Variants in CEP85L observed in about 807,000 individuals in gnomAD.
CEP85L encodes centrosomal protein 85L.
Under a neutral mutation model 100.3 loss-of-function variants are expected in CEP85L, and 60 were observed. The ratio of observed to expected loss-of-function variants is 0.60; its 90% CI spans 0.49 to 0.74. The LOEUF (loss-of-function observed/expected upper bound fraction) is 0.74, where lower values mean the gene tolerates loss of function less well. Ranked by LOEUF, CEP85L falls within the 30% of genes least tolerant of loss-of-function variation. The pLI is 0.00. For synonymous variants in CEP85L, 319 were observed against 322.7 expected (o/e 0.99, Z 0.12); for missense variants, 973 against 936.2 (o/e 1.04, Z -0.51).
chr6:118,513,281 GA>G, intron 4 of CEP85L, among the ~76,000 whole-genome samples: 1 of 151,760 alleles, frequency 6.6e-6, no homozygotes, highest in Non-Finnish European at 1.5e-5. Context: ...GTAGGGGACA[GA>G]AAAAAAATAT....
At chr6:118,508,715 T>C (rs1444748906) in intron 5 of CEP85L, among the ~76,000 whole-genome samples, 5 of 152,110 alleles carry the variant, frequency 3.3e-5, no homozygotes, top group Admixed American at 6.5e-5. Flanking sequence ...TTTTACTGAC[T>C]TATTTACTCT....
At chr6:118,700,724 C>T (rs1373015961) in intron 1 of CEP85L, among the ~76,000 whole-genome samples, 1 of 152,210 alleles carries the variant, frequency 6.6e-6, no homozygotes, top group Non-Finnish European at 1.5e-5. Flanking sequence ...CCTTGCGAAA[C>T]TGTTCCCTAG....
intron 2 of CEP85L, among the ~76,000 whole-genome samples, chr6:118,599,945 C>T (rs1781641794): frequency 6.6e-6 from 1 of 151,980 alleles, no homozygotes. Context: ...GAAAACATTA[C>T]AATTAAATGT....
chr6:118,661,352 T>C (rs1775967689), intron 1 of CEP85L, among the ~76,000 whole-genome samples: 1 of 152,074 alleles, frequency 6.6e-6, no homozygotes, highest in African/African-American at 2.4e-5. Flanking sequence ...TTAGAACCTA[T>C]ATCCAGAGTA....
chr6:118,701,268 C>T (rs1206268477), intron 1 of CEP85L, among the ~76,000 whole-genome samples: 2 of 152,230 alleles, frequency 1.3e-5, no homozygotes, highest in African/African-American at 2.4e-5. Context: ...CCTAGTAATC[C>T]CATTACAGGG....
chr6:118,554,491 TA>T (rs1778737038), intron 3 of CEP85L, among the ~76,000 whole-genome samples: 1 of 152,146 alleles, frequency 6.6e-6, no homozygotes, highest in African/African-American at 2.4e-5. Flanking sequence ...GTTTTAGTCA[TA>T]AAAATCCCTT....
chr6:118,470,414 GAATT>G (rs527502339), intron 11 of CEP85L, 119 bp downstream of exon 11: 53 of 481,490 alleles, frequency 1.1e-4, no homozygotes, highest in African/African-American at 8.5e-4. Flanking sequence ...AGAAACAATG[GAATT>G]AATTAACAGG....
At chr6:118,700,196 G>C (rs1236890792) in intron 1 of CEP85L, among the ~76,000 whole-genome samples, 1 of 152,168 alleles carries the variant, frequency 6.6e-6, no homozygotes, top group Non-Finnish European at 1.5e-5. Flanking sequence ...TATAAAAAAG[G>C]TTTTCTGTGC....
At chr6:118,704,235 T>G (rs1390011204) in intron 1 of CEP85L, among the ~76,000 whole-genome samples, 1 of 152,234 alleles carries the variant, frequency 6.6e-6, no homozygotes, top group Non-Finnish European at 1.5e-5. Context: ...TTTTCTTGAC[T>G]AACATCCAAT....
intron 1 of CEP85L, among the ~76,000 whole-genome samples, chr6:118,650,936 G>T (rs1256604485): frequency 6.6e-6 from 1 of 152,254 alleles, no homozygotes; most frequent in African/African-American, 2.4e-5. Flanking sequence ...GCCCAAGCGA[G>T]CTGGAAGTTG....
chr6:118,662,252 G>A (rs111639771), intron 1 of CEP85L, among the ~76,000 whole-genome samples: 29 of 152,208 alleles, frequency 1.9e-4, no homozygotes, highest in African/African-American at 6.5e-4. Flanking sequence ...TGAATTGGCC[G>A]GGTGCGGTGG....
At chr6:118,646,815 A>G in intron 1 of CEP85L, 1 of 449,634 alleles carries the variant, frequency 2.2e-6, no homozygotes, top group South Asian at 9.4e-5. Flanking sequence ...AAAAATACAC[A>G]TTTCATCCAG....
intron 3 of CEP85L, among the ~76,000 whole-genome samples, chr6:118,546,728 C>T (rs566845644): frequency 7.9e-5 from 12 of 152,170 alleles, no homozygotes; most frequent in African/African-American, 2.9e-4. Context: ...CCTCGTTAGG[C>T]TTCTCGGTTT....
At chr6:118,557,674 G>A (rs1214884984) in intron 3 of CEP85L, among the ~76,000 whole-genome samples, 1 of 152,164 alleles carries the variant, frequency 6.6e-6, no homozygotes, top group East Asian at 1.9e-4. Context: ...CCAGCCACCA[G>A]CACCCCAAAC....
In CEP85L at chr6:118,577,719, G is replaced by A. The variant is rs62422187; in HGVS notation, c.233-11403C>T. Reference sequence around the variant, plus strand: ...AGGTGGGGTCTGTGTCATAATTGGGGCCCAATGCTTACAGAGCCTTAACAC... The same window carrying A: ...AGGTGGGGTCTGTGTCATAATTGGGACCCAATGCTTACAGAGCCTTAACAC... On this transcript the variant is annotated intron_variant, in intron 2 of 12. Coordinates refer to ENST00000368491, the MANE Select transcript of CEP85L (RefSeq NM_001042475.3). Among the ~76,000 whole-genome samples, 1,107 of 152,210 alleles carry A rather than the reference G, an allele frequency of 7.3e-3. 7 individuals carry two copies. The highest frequency in any genetic ancestry group is 0.012 in the Non-Finnish European group (835 of 68,010).
intron 3 of CEP85L, among the ~76,000 whole-genome samples, chr6:118,530,414 T>C (rs1245564360): frequency 2.0e-5 from 3 of 149,118 alleles, no homozygotes; most frequent in Admixed American, 6.7e-5. Context: ...GCCAAGATCA[T>C]ACTGAATGGG....
At position 118,480,430 on chromosome 6, in the gene CEP85L, T is replaced by A; in HGVS notation, c.1829A>T (p.Asp610Val). ...LDAKQLQNENDNLRQQNETAS... is the reference protein window; with the variant it reads ...LDAKQLQNENVNLRQQNETAS... ...AGTCTCATTTTGTTGTCTGAGATTA[T>A]CATTTTCATTCTGAAGCTGTTTTGC... The change falls in exon 9 of 13, where the codon GAT becomes GTT. Residue 610 changes from aspartate (D) to valine (V), a missense_variant. Physicochemically the swap from Asp to Val is radical, Grantham distance 152. Coordinates refer to ENST00000368491, the MANE Select transcript of CEP85L (RefSeq NM_001042475.3). The A allele has an allele frequency of 6.2e-7, 1 of 1,611,208 alleles. No homozygotes were observed. Among genetic ancestry groups the A allele is most frequent in the Non-Finnish European group, 8.5e-7 (1 of 1,177,974 alleles).
chr6:118,472,175 T>A (rs1317301386), intron 10 of CEP85L, among the ~76,000 whole-genome samples: 1 of 152,058 alleles, frequency 6.6e-6, no homozygotes, highest in African/African-American at 2.4e-5. Flanking sequence ...TTTTTACCAA[T>A]TCAGAGTCAT....
rs193166258 is a variant in CEP85L, at chr6:118,523,828, T to A, written c.1113A>T (p.Leu371=). 6.3e-7 allele frequency: 1 copy of A among 1,578,532 alleles called. No individual in the cohort carries two copies. The highest frequency in any genetic ancestry group is 2.2e-5 in the East Asian group (1 of 44,602). Reference sequence around the variant, plus strand: ...GATCGATTACAATTTCTTTCTGCCTTAGAAGTCCTTCTTTTATTTTCAACA... The same window carrying A: ...GATCGATTACAATTTCTTTCTGCCTAAGAAGTCCTTCTTTTATTTTCAACA... ...ESMLKIKEGL[L]RQKEIVIDRQ... Residue 371 remains leucine (L), a synonymous_variant, in exon 4 of 13, where the codon CTA becomes CTT. Transcript: ENST00000368491.
Sources: gnomAD v4.1 joint callset for allele counts (sites outside exome capture counted in the v4.1 genomes callset) on GRCh38, gnomAD v4.1.1 for gene constraint, MANE v1.5 for transcripts, NCBI Gene and HGNC (gene_info 2026-07-23, HGNC 2026-07-21) for gene names.